The following HDAC9 variants were observed in gnomAD, a reference collection of about 807,000 sequenced individuals.
HDAC9 encodes MEF-2 interacting transcription repressor (MITR) protein.
HDAC9 carries 41 observed loss-of-function variants against 139.4 expected under a neutral mutation model. The ratio of observed to expected loss-of-function variants is 0.29; its 90% CI spans 0.23 to 0.38. The LOEUF is 0.38. HDAC9 is among the 10% of genes least tolerant of loss of function. HDAC9 has a pLI of 1.00. For synonymous variants in HDAC9, 517 were observed against 476.2 expected (o/e 1.09, Z -1.12); for missense variants, 1,147 against 1,297.0 (o/e 0.88, Z 1.78).
chr7:18,679,004 A>AAG (rs1463398602), intron 12 of HDAC9, among the ~76,000 whole-genome samples: 1 of 151,966 alleles, frequency 6.6e-6, no homozygotes, highest in Non-Finnish European at 1.5e-5. Context: ...ACCAGGGAAT[A>AAG]ATCAATCTTA....
At position 18,793,464 on chromosome 7, in the gene HDAC9, G is replaced by A. The variant is rs943746240; in HGVS notation, c.2322+12G>A. 6.7e-7 allele frequency: 1 copy of A among 1,490,676 alleles called. No homozygotes were observed. Among genetic ancestry groups the A allele is most frequent in the Non-Finnish European group, 9.2e-7 (1 of 1,088,336 alleles). The allele number at this position is 1,490,676 out of a possible 1,614,324, so 92.3% of individuals were successfully genotyped here. ...CAGGAGAGCTGAAGGTGAGGTCCGG[G>A]TTGCATTAAGTGTGGGAAATCCAGA... On this transcript the variant is annotated intron_variant, in intron 17 of 25. Transcript: ENST00000686413.
intron 1 of HDAC9, among the ~76,000 whole-genome samples, chr7:18,131,410 T>G (rs933932892): frequency 8.5e-5 from 13 of 152,192 alleles, no homozygotes; most frequent in African/African-American, 3.1e-4. Flanking sequence ...AAGAACGAGT[T>G]TAGTAGCACT....
At position 18,708,284 on chromosome 7, in the gene HDAC9, G is replaced by T. The variant is rs182253176; in HGVS notation, c.1732-19296G>T. On this transcript the variant is annotated intron_variant, in intron 12 of 25. Transcript: ENST00000686413. Reference sequence around the variant, plus strand: ...GATGGAGATTTGGAAGGGTGGTTATGGAGAAAAAGAGGGAGGAAGGGGACT... The same window carrying T: ...GATGGAGATTTGGAAGGGTGGTTATTGAGAAAAAGAGGGAGGAAGGGGACT... 1.4e-3 allele frequency among the ~76,000 whole-genome samples: 206 copies of T among 152,166 alleles called. 2 individuals are homozygous for T. Among genetic ancestry groups the T allele is most frequent in the Middle Eastern group, 0.01 (3 of 294 alleles).
intron 12 of HDAC9, among the ~76,000 whole-genome samples, chr7:18,714,437 T>A (rs755468889): frequency 1.3e-5 from 2 of 152,170 alleles, no homozygotes; most frequent in Non-Finnish European, 1.5e-5. Flanking sequence ...AGGGTGCAAG[T>A]ACTGCATGGC....
chr7:18,120,478 G>A (rs1784302162), intron 1 of HDAC9, among the ~76,000 whole-genome samples: 2 of 152,144 alleles, frequency 1.3e-5, no homozygotes, highest in Non-Finnish European at 2.9e-5. Context: ...ATTGAGGGAT[G>A]GTCCCCAAAC....
At chr7:18,621,993 C>T (rs945904678) in intron 6 of HDAC9, among the ~76,000 whole-genome samples, 2 of 152,108 alleles carry the variant, frequency 1.3e-5, no homozygotes, top group African/African-American at 4.8e-5. Flanking sequence ...GGAACTGTGC[C>T]AGGAAATCTA....
intron 1 of HDAC9, among the ~76,000 whole-genome samples, chr7:18,123,805 A>T (rs928580930): frequency 2.0e-5 from 3 of 152,212 alleles, no homozygotes; most frequent in Non-Finnish European, 4.4e-5. Context: ...TAATTCTCTC[A>T]CATAATAAGT....
chr7:18,482,577 G>A (rs933139396), intron 1 of HDAC9, among the ~76,000 whole-genome samples: 4 of 151,884 alleles, frequency 2.6e-5, no homozygotes, highest in African/African-American at 9.7e-5. Flanking sequence ...ATTACAGAAG[G>A]ATAGAAAATT....
chr7:18,176,087 C>T (rs1315552822), intron 2 of HDAC9, among the ~76,000 whole-genome samples: 1 of 152,134 alleles, frequency 6.6e-6, no homozygotes, highest in Non-Finnish European at 1.5e-5. Context: ...CTTTAACTCT[C>T]AGAAGAAATT....
chr7:18,334,599 T>C (rs1319400591), intron 1 of HDAC9, among the ~76,000 whole-genome samples: 1 of 151,466 alleles, frequency 6.6e-6, no homozygotes, highest in Non-Finnish European at 1.5e-5. Flanking sequence ...TTCCAGTGCA[T>C]TAATAAAAAA....
chr7:18,444,470 A>G (rs976089013), intron 1 of HDAC9, among the ~76,000 whole-genome samples: 3 of 151,824 alleles, frequency 2.0e-5, no homozygotes, highest in African/African-American at 7.3e-5. Context: ...ATAAAAGGGG[A>G]AAGGTAGATT....
At chr7:18,632,637 G>A (rs897663487) in intron 7 of HDAC9, among the ~76,000 whole-genome samples, 24 of 152,066 alleles carry the variant, frequency 1.6e-4, no homozygotes, top group African/African-American at 5.3e-4. Flanking sequence ...AAAGGGCAAT[G>A]GTGGGAAATA....
At chr7:18,173,790 G>A (rs977386569) in intron 2 of HDAC9, among the ~76,000 whole-genome samples, 3 of 152,202 alleles carry the variant, frequency 2.0e-5, no homozygotes, top group Non-Finnish European at 4.4e-5. Flanking sequence ...CTTCTGGCTT[G>A]TAGGGTTTCT....
intron 2 of HDAC9, among the ~76,000 whole-genome samples, chr7:18,173,821 T>G (rs1235262867): frequency 6.6e-6 from 1 of 152,236 alleles, no homozygotes; most frequent in Non-Finnish European, 1.5e-5. Context: ...CAGCTGTTAG[T>G]CTGATGGGCT....
Position 18,192,114 on chromosome 7 carries a change from G to A in HDAC9, c.25+29765G>A, listed in dbSNP as rs117667049. On this transcript the variant is annotated intron_variant, in intron 2 of 12. Coordinates refer to the HDAC9 transcript ENST00000417496. ...CCTGGAAATGAGGTAGGATGAACCC[G>A]GCCGGGGGGCGGGGGGGTGTCACAG... 2.1e-4 allele frequency among the ~76,000 whole-genome samples: 32 copies of A among 152,310 alleles called. No homozygotes were observed. In the East Asian group the frequency reaches 6.0e-3, roughly 28 times the overall value.
chr7:18,157,087 A>C (rs544675941), intron 1 of HDAC9, among the ~76,000 whole-genome samples: 3 of 152,202 alleles, frequency 2.0e-5, no homozygotes, highest in African/African-American at 7.2e-5. Flanking sequence ...AACCAACCAG[A>C]AAAACCCCAA....
intron 1 of HDAC9, among the ~76,000 whole-genome samples, chr7:18,151,067 AT>A (rs550736101): frequency 1.2e-3 from 182 of 149,392 alleles, no homozygotes; most frequent in South Asian, 7.0e-3. Context: ...ATATATATGC[AT>A]TTTTTTTTTG....
chr7:18,963,555 A>G (rs962240630), intron 24 of HDAC9, among the ~76,000 whole-genome samples: 1 of 152,198 alleles, frequency 6.6e-6, no homozygotes, highest in African/African-American at 2.4e-5. Context: ...TGTGGAGTTA[A>G]AAATGGAGAA....
intron 1 of HDAC9, among the ~76,000 whole-genome samples, chr7:18,362,421 G>A (rs1297109900): frequency 2.0e-5 from 3 of 152,132 alleles, no homozygotes; most frequent in Non-Finnish European, 4.4e-5. Flanking sequence ...TAACTTAGAT[G>A]ATCCAGTCAT....
Sources: gnomAD v4.1 joint callset for allele counts (sites outside exome capture counted in the v4.1 genomes callset) on GRCh38, gnomAD v4.1.1 for gene constraint, MANE v1.5 for transcripts, NCBI Gene and HGNC (gene_info 2026-07-23, HGNC 2026-07-21) for gene names.